Variants in FTCDNL1 observed in about 807,000 individuals in gnomAD.
FTCDNL1 encodes the protein formiminotransferase N-terminal subdomain-containing protein.
FTCDNL1 carries 11 observed loss-of-function variants against 5.9 expected under a neutral mutation model. The observed-to-expected ratio is 1.87, with a 90% CI of 1.18 to 3.10. The LOEUF is 3.10. FTCDNL1 is among the 30% of genes most tolerant of loss of function. The pLI, the probability that FTCDNL1 is intolerant of heterozygous loss-of-function variation, is 0.00. For synonymous variants in FTCDNL1, 58 were observed against 24.8 expected (o/e 2.34, Z -3.99); for missense variants, 115 against 65.5 (o/e 1.76, Z -2.61).
At chr2:199,743,524 G>A in the FTCDNL1 span, among the ~76,000 whole-genome samples, 1 of 152,150 alleles carries the variant, frequency 6.6e-6, no homozygotes, top group African/African-American at 2.4e-5. Flanking sequence ...GATTAAATGA[G>A]GACCAAAAGC....
intron 3 of FTCDNL1, among the ~76,000 whole-genome samples, chr2:199,766,866 G>A (rs147523133): frequency 6.6e-6 from 1 of 152,000 alleles, no homozygotes; most frequent in Non-Finnish European, 1.5e-5. Context: ...CTTCCTCTTG[G>A]TGTCTAGACA....
At chr2:199,783,790 T>C (rs1699489656) in intron 3 of FTCDNL1, among the ~76,000 whole-genome samples, 1 of 151,990 alleles carries the variant, frequency 6.6e-6, no homozygotes, top group Non-Finnish European at 1.5e-5. Context: ...TGTGAGTTAC[T>C]GGTCTAAAGC....
At chr2:199,777,893 C>T (rs992023429) in intron 3 of FTCDNL1, among the ~76,000 whole-genome samples, 4 of 151,872 alleles carry the variant, frequency 2.6e-5, no homozygotes, top group Non-Finnish European at 4.4e-5. Context: ...GGCACAAGGG[C>T]AAGAGGAAGG....
At chr2:199,710,726 G>T in the FTCDNL1 span, among the ~76,000 whole-genome samples, 1 of 152,112 alleles carries the variant, frequency 6.6e-6, no homozygotes, top group African/African-American at 2.4e-5. Flanking sequence ...CTTTATCTAT[G>T]ACTGTAGCTC....
the FTCDNL1 span, among the ~76,000 whole-genome samples, chr2:199,709,125 A>C: frequency 6.6e-6 from 1 of 152,118 alleles, no homozygotes; most frequent in Non-Finnish European, 1.5e-5. Context: ...CATCTGTTCC[A>C]TATCTTTCTC....
At chr2:199,766,145 C>T (rs940044459) in intron 3 of FTCDNL1, among the ~76,000 whole-genome samples, 2 of 152,180 alleles carry the variant, frequency 1.3e-5, no homozygotes, top group African/African-American at 2.4e-5. Context: ...GCTGGAAGTG[C>T]TCTCAATGCA....
At chr2:199,833,388 A>G (rs1702507561) in intron 3 of FTCDNL1, among the ~76,000 whole-genome samples, 1 of 152,186 alleles carries the variant, frequency 6.6e-6, no homozygotes, top group South Asian at 2.1e-4. Flanking sequence ...ACACATATAC[A>G]CCCTGAGTGG....
chr2:199,695,718 T>C, the FTCDNL1 span, among the ~76,000 whole-genome samples: 2 of 152,006 alleles, frequency 1.3e-5, no homozygotes, highest in Non-Finnish European at 2.9e-5. Context: ...CCCACAGACA[T>C]TTGAGCTGGC....
the FTCDNL1 span, among the ~76,000 whole-genome samples, chr2:199,686,018 T>C: frequency 3.9e-5 from 6 of 152,342 alleles, no homozygotes; most frequent in East Asian, 1.2e-3. Flanking sequence ...AGTATACTCT[T>C]TGGGAAAATT....
intron 3 of FTCDNL1, among the ~76,000 whole-genome samples, chr2:199,785,084 T>C (rs995026286): frequency 6.6e-6 from 1 of 152,072 alleles, no homozygotes; most frequent in Non-Finnish European, 1.5e-5. Context: ...CTCACCCCGT[T>C]TGCTCTTTCA....
At chr2:199,808,934 G>A (rs759150736), downstream of FTCDNL1, among the ~76,000 whole-genome samples, 8 of 152,050 alleles carry the variant, frequency 5.3e-5, no homozygotes, top group Non-Finnish European at 1.2e-4. Context: ...TCCTTCTATC[G>A]GGCCACACAG....
At chr2:199,683,225 C>A in the FTCDNL1 span, among the ~76,000 whole-genome samples, 6 of 151,960 alleles carry the variant, frequency 3.9e-5, no homozygotes, top group Non-Finnish European at 4.4e-5. Flanking sequence ...CATGAAAAAC[C>A]CAATTATATT....
downstream of FTCDNL1, among the ~76,000 whole-genome samples, chr2:199,805,093 G>C (rs1373482669): frequency 6.6e-6 from 1 of 152,132 alleles, no homozygotes; most frequent in Non-Finnish European, 1.5e-5. Context: ...TGGGGAGAAA[G>C]AACAGCTGGA....
chr2:199,820,396 G>C (rs1701609658), intron 3 of FTCDNL1, among the ~76,000 whole-genome samples: 1 of 152,062 alleles, frequency 6.6e-6, no homozygotes, highest in Admixed American at 6.5e-5. Flanking sequence ...GTGAAGCCAG[G>C]AGTTTGAGAA....
chr2:199,794,485 T>C (rs956306549), intron 3 of FTCDNL1, among the ~76,000 whole-genome samples: 2 of 152,222 alleles, frequency 1.3e-5, no homozygotes, highest in African/African-American at 4.8e-5. Flanking sequence ...CAGAGGCTGG[T>C]AGCCATTTGT....
intron 3 of FTCDNL1, among the ~76,000 whole-genome samples, chr2:199,778,223 G>C (rs898899254): frequency 6.6e-6 from 1 of 152,076 alleles, no homozygotes; most frequent in Admixed American, 6.5e-5. Context: ...AGAGGAACTA[G>C]GCATTATCTC....
chr2:199,685,450 C>T, the FTCDNL1 span, among the ~76,000 whole-genome samples: 1 of 152,176 alleles, frequency 6.6e-6, no homozygotes, highest in Non-Finnish European at 1.5e-5. Flanking sequence ...CTTCGGACCC[C>T]ATGTTCATTT....
the FTCDNL1 span, among the ~76,000 whole-genome samples, chr2:199,672,074 T>G: frequency 2.0e-5 from 3 of 152,206 alleles, no homozygotes; most frequent in South Asian, 6.2e-4. Context: ...ACATGTTTTT[T>G]GCCCTGGAAG....
In FTCDNL1 at chr2:199,809,861, T is replaced by C. The variant is rs1371593554; in HGVS notation, c.*2844A>G. Among the ~76,000 whole-genome samples, 2 of 151,666 alleles carry C rather than the reference T, an allele frequency of 1.3e-5. No homozygotes were observed. The highest frequency in any genetic ancestry group is 1.3e-4 in the Admixed American group (2 of 15,186). On this transcript the variant is annotated 3_prime_UTR_variant, in exon 5 of 5. Transcript: ENST00000420128. ...ATCATGCTTTGAAAGAGAGATTATA[T>C]TTTGTAACCCTCTCATTTTTTAGTC...
Sources: gnomAD v4.1 joint callset for allele counts (sites outside exome capture counted in the v4.1 genomes callset) on GRCh38, gnomAD v4.1.1 for gene constraint, MANE v1.5 for transcripts, NCBI Gene and HGNC (gene_info 2026-07-23, HGNC 2026-07-21) for gene names.